The following CCDC191 variants were observed in gnomAD, a reference collection of about 807,000 sequenced individuals.
The protein encoded by CCDC191 is coiled-coil domain-containing protein 191.
Under a neutral mutation model 114.0 loss-of-function variants are expected in CCDC191, and 99 were observed. The ratio of observed to expected loss-of-function variants is 0.87; its 90% CI spans 0.74 to 1.03. The LOEUF (loss-of-function observed/expected upper bound fraction) is 1.03, where lower values mean the gene tolerates loss of function less well. Ranked by LOEUF, CCDC191 falls within the 50% of genes least tolerant of loss-of-function variation. The pLI is 0.00. For missense variants in CCDC191, 973 were observed against 1,087.0 expected (o/e 0.90, Z 1.47); for synonymous variants, 351 against 376.0 (o/e 0.93, Z 0.77).
At chr3:114,025,678 C>A (rs1577440084) in intron 7 of CCDC191, among the ~76,000 whole-genome samples, 1 of 152,290 alleles carries the variant, frequency 6.6e-6, no homozygotes, top group South Asian at 2.1e-4. Context: ...CCTGAACACT[C>A]ATGAGTTCTC....
chr3:113,969,862 A>T (rs991169992), intron 16 of CCDC191, among the ~76,000 whole-genome samples: 4 of 151,634 alleles, frequency 2.6e-5, no homozygotes, highest in East Asian at 1.9e-4. Context: ...AATATTAGGA[A>T]TTTTTTTTCT....
intron 4 of CCDC191, 136 bp from the exon 5 acceptor site, chr3:114,036,922 G>A (rs2076493493): frequency 4.1e-6 from 2 of 491,174 alleles, no homozygotes; most frequent in Non-Finnish European, 6.6e-6. Flanking sequence ...AACTGATAAT[G>A]GCAACTGATT....
In CCDC191 at chr3:114,003,408, C is replaced by T. The variant is rs907745967; in HGVS notation, c.1979-870G>A. The T allele has an allele frequency of 7.1e-6, 7 of 985,234 alleles. No individual in the cohort carries two copies. In the African/African-American group the frequency reaches 1.2e-4, roughly 17 times the overall value. The allele number at this position is 985,234 out of a possible 1,614,324, so 61.0% of individuals were successfully genotyped here. A position where few individuals can be genotyped will look rare whatever the true frequency, so the allele number is the denominator to read the frequency against. ...GCTATTTCTTACAGTTATTAAGTGT[C>T]TGCTTTGCTGAAAAAGAATGGTAGT... On this transcript the variant is annotated intron_variant, in intron 11 of 16. Transcript: ENST00000295878.
At chr3:113,998,290 G>A (rs1230001705) in intron 13 of CCDC191, among the ~76,000 whole-genome samples, 1 of 119,834 alleles carries the variant, frequency 8.3e-6, no homozygotes, top group African/African-American at 3.3e-5. Flanking sequence ...TGGGCAACAA[G>A]AGTGAAACTC....
At chr3:114,006,092 G>T in intron 9 of CCDC191, 130 bp from the exon 10 acceptor site, 1 of 834,216 alleles carries the variant, frequency 1.2e-6, no homozygotes, top group African/African-American at 1.7e-5. Context: ...GGTGGTCTGT[G>T]CTCCTGGCCT....
intron 13 of CCDC191, among the ~76,000 whole-genome samples, chr3:113,994,507 A>T (rs907281371): frequency 7.9e-5 from 12 of 151,942 alleles, no homozygotes; most frequent in African/African-American, 2.2e-4. Context: ...TTAAACATTG[A>T]CTTACCACAC....
At chr3:114,010,624 G>T in intron 9 of CCDC191, 148 bp downstream of exon 9, 2 of 674,524 alleles carry the variant, frequency 3.0e-6, no homozygotes, top group South Asian at 5.1e-5. Flanking sequence ...TCAATTCAAG[G>T]AAATAAACAC....
intron 5 of CCDC191, among the ~76,000 whole-genome samples, chr3:114,035,840 T>A (rs1376802645): frequency 6.6e-6 from 1 of 152,152 alleles, no homozygotes; most frequent in Non-Finnish European, 1.5e-5. Context: ...TATTGAACGT[T>A]CTCTCCTCTC....
At chr3:114,056,587 A>G (rs1461640038), upstream of CCDC191, 1 of 1,590,822 alleles carries the variant, frequency 6.3e-7, no homozygotes, top group Non-Finnish European at 8.5e-7. Flanking sequence ...GGCATAGGAC[A>G]CCGTCGAACC....
chr3:114,038,013 C>T (rs956615427), intron 4 of CCDC191, among the ~76,000 whole-genome samples: 3 of 152,238 alleles, frequency 2.0e-5, no homozygotes, highest in East Asian at 3.9e-4. Context: ...AAATGCTTAC[C>T]TTTTCAAGAA....
chr3:114,053,603 C>G lies in CCDC191; in HGVS notation c.123G>C (p.Trp41Cys), dbSNP rs764208194. ...AAATTTGAAATATCCTTACCTTTATCCAGTGTTCCACACTGTCAGGACCAA... is the reference window on the plus strand; with the variant it reads ...AAATTTGAAATATCCTTACCTTTATGCAGTGTTCCACACTGTCAGGACCAA... The part of the protein sequence containing the change: ...PTFGPDSVEH[W>C]IKRVEKASEF... The change falls in exon 2 of 17, where the codon TGG (tryptophan) becomes TGC (cysteine). Residue 41 changes from tryptophan to cysteine, a missense_variant. Transcript: ENST00000295878. The G allele has an allele frequency of 6.3e-7, 1 of 1,576,296 alleles. No individual in the cohort carries two copies. The highest frequency in any genetic ancestry group is 8.7e-7 in the Non-Finnish European group (1 of 1,149,462).
chr3:114,009,321 C>T (rs1441060139), intron 9 of CCDC191, among the ~76,000 whole-genome samples: 1 of 152,054 alleles, frequency 6.6e-6, no homozygotes, highest in Non-Finnish European at 1.5e-5. Flanking sequence ...AAATTATTAA[C>T]TTTTTGACTC....
At chr3:114,026,567 C>T (rs1314723304) in intron 7 of CCDC191, among the ~76,000 whole-genome samples, 1 of 152,176 alleles carries the variant, frequency 6.6e-6, no homozygotes, top group Non-Finnish European at 1.5e-5. Context: ...TGTGTCAGCT[C>T]AGAAATGGTT....
intron 16 of CCDC191, among the ~76,000 whole-genome samples, chr3:113,969,530 G>C (rs181996050): frequency 6.6e-6 from 1 of 152,266 alleles, no homozygotes; most frequent in African/African-American, 2.4e-5. Flanking sequence ...TTTGTGTATG[G>C]TGAGAGAAAG....
intron 9 of CCDC191, among the ~76,000 whole-genome samples, chr3:114,006,587 GAT>G (rs67264886): frequency 0.076 from 6,269 of 82,430 alleles, 190 homozygotes; most frequent in Admixed American, 0.11. Context: ...GGTTACTCCA[GAT>G]ATATATATAT....
chr3:114,011,725 C>G (rs1182141587), intron 8 of CCDC191, among the ~76,000 whole-genome samples: 2 of 152,140 alleles, frequency 1.3e-5, no homozygotes, highest in Non-Finnish European at 2.9e-5. Context: ...CACTTTGATT[C>G]CTGGAAACTT....
intron 9 of CCDC191, among the ~76,000 whole-genome samples, chr3:114,006,392 T>C (rs978026939): frequency 4.0e-5 from 6 of 150,538 alleles, no homozygotes; most frequent in African/African-American, 1.2e-4. Context: ...GAGGTTGCAG[T>C]GGGCTGAGAT....
chr3:114,047,733 G>C (rs1263743497), intron 2 of CCDC191, among the ~76,000 whole-genome samples: 1 of 152,048 alleles, frequency 6.6e-6, no homozygotes, highest in Non-Finnish European at 1.5e-5. Flanking sequence ...CCAGCACTTT[G>C]GGAGGCCGAG....
chr3:113,971,999 G>T (rs969630438), intron 16 of CCDC191, among the ~76,000 whole-genome samples: 3 of 151,938 alleles, frequency 2.0e-5, no homozygotes, highest in African/African-American at 7.2e-5. Context: ...GTGATTCTTT[G>T]TATTTTTGAT....
Sources: allele counts gnomAD v4.1 joint callset (sites outside exome capture counted in the v4.1 genomes callset), GRCh38; gene constraint gnomAD v4.1.1; transcripts MANE v1.5; gene names NCBI Gene and HGNC (gene_info 2026-07-23, HGNC 2026-07-21).